SV2C: variants seen among roughly 807,000 people sequenced by gnomAD.
SV2C encodes synaptic vesicle glycoprotein 2C.
SV2C carries 49 observed loss-of-function variants against 79.7 expected under a neutral mutation model. That is an observed-to-expected ratio of 0.61 (90% confidence interval 0.49 to 0.78). The LOEUF (loss-of-function observed/expected upper bound fraction) is 0.78, where lower values mean the gene tolerates loss of function less well. SV2C is among the 30% of genes least tolerant of loss of function. SV2C has a pLI of 0.00. For synonymous variants in SV2C, 334 were observed against 333.2 expected (o/e 1.00, Z -0.03); for missense variants, 833 against 912.9 (o/e 0.91, Z 1.13).
At chr5:76,100,262 C>T (rs1434867814) in intron 1 of SV2C, among the ~76,000 whole-genome samples, 2 of 152,166 alleles carry the variant, frequency 1.3e-5, no homozygotes, top group African/African-American at 2.4e-5. Context: ...TGCAACTTCA[C>T]AGTATGTAAG....
chr5:76,308,122 T>G (rs889128043), intron 12 of SV2C, among the ~76,000 whole-genome samples: 4 of 152,206 alleles, frequency 2.6e-5, no homozygotes, highest in African/African-American at 9.6e-5. Context: ...CATATTATGT[T>G]ATGAGAATTT....
chr5:76,150,630 T>C (rs1749575655), intron 2 of SV2C, among the ~76,000 whole-genome samples: 3 of 87,706 alleles, frequency 3.4e-5, no homozygotes, highest in South Asian at 8.1e-4. Flanking sequence ...CAAATTCTTT[T>C]TTTTTTTTTT....
intron 12 of SV2C, among the ~76,000 whole-genome samples, chr5:76,312,279 G>T (rs906829609): frequency 2.6e-5 from 4 of 151,608 alleles, no homozygotes; most frequent in African/African-American, 9.7e-5. Flanking sequence ...GGGGGACAGG[G>T]TCTCACTCTG....
chr5:76,114,415 T>C (rs1295945183), intron 1 of SV2C, among the ~76,000 whole-genome samples: 1 of 152,200 alleles, frequency 6.6e-6, no homozygotes, highest in African/African-American at 2.4e-5. Context: ...ACAACATTTC[T>C]AGCCAGTAAA....
chr5:75,968,752 C>G, the SV2C span, among the ~76,000 whole-genome samples: 2 of 152,198 alleles, frequency 1.3e-5, no homozygotes, highest in Non-Finnish European at 2.9e-5. Context: ...AAACACTCTG[C>G]AGGATATTAT....
chr5:75,891,779 T>G, the SV2C span, among the ~76,000 whole-genome samples: 1 of 152,146 alleles, frequency 6.6e-6, no homozygotes, highest in African/African-American at 2.4e-5. Context: ...GGGAAAGGAA[T>G]GTGCCACTGA....
At chr5:75,984,567 A>ATCTATCTATCTATC in the SV2C span, among the ~76,000 whole-genome samples, 85 of 102,920 alleles carry the variant, frequency 8.3e-4, no homozygotes, top group Middle Eastern at 5.5e-3. Context: ...CTATCTATCT[A>ATCTATCTATCTATC]TATCTATCTA....
At chr5:76,139,118 C>CAA (rs35031412) in intron 2 of SV2C, among the ~76,000 whole-genome samples, 107 of 131,754 alleles carry the variant, frequency 8.1e-4, no homozygotes, top group African/African-American at 2.9e-3. Context: ...GACTCCATCT[C>CAA]AAAAAAAAAA....
chr5:76,121,100 G>A (rs1378982174), intron 1 of SV2C, among the ~76,000 whole-genome samples: 1 of 150,714 alleles, frequency 6.6e-6, no homozygotes, highest in Admixed American at 6.6e-5. Flanking sequence ...GTTTTGATTT[G>A]CATTTCTCTG....
intron 4 of SV2C, among the ~76,000 whole-genome samples, chr5:76,277,536 G>A (rs1747058723): frequency 6.6e-6 from 1 of 152,206 alleles, no homozygotes; most frequent in Non-Finnish European, 1.5e-5. Context: ...CATTTTGAGA[G>A]GCCGAGGCAG....
At chr5:76,009,693 G>T in the SV2C span, among the ~76,000 whole-genome samples, 1 of 152,116 alleles carries the variant, frequency 6.6e-6, no homozygotes, top group African/African-American at 2.4e-5. Context: ...CTTATAAGTG[G>T]GAACTAAACA....
chr5:76,023,617 A>T, the SV2C span, among the ~76,000 whole-genome samples: 1 of 148,568 alleles, frequency 6.7e-6, no homozygotes, highest in African/African-American at 2.4e-5. Flanking sequence ...ATACTTTCAT[A>T]CTTTTCCTCC....
chr5:76,078,764 G>C, upstream of SV2C: 1 of 580,628 alleles, frequency 1.7e-6, no homozygotes, highest in Non-Finnish European at 3.4e-6. Context: ...TCCAGGAGCA[G>C]GGGATGGCAG....
intron 2 of SV2C, among the ~76,000 whole-genome samples, chr5:76,191,238 C>A (rs1360419698): frequency 2.0e-5 from 3 of 152,112 alleles, no homozygotes; most frequent in Non-Finnish European, 4.4e-5. Flanking sequence ...GGGAAATCTA[C>A]CCCCATGGTC....
the SV2C span, among the ~76,000 whole-genome samples, chr5:75,993,752 T>C: frequency 6.6e-6 from 1 of 151,994 alleles, no homozygotes; most frequent in Non-Finnish European, 1.5e-5. Context: ...TTGCCTTGCA[T>C]TAGTTGTGGT....
intron 2 of SV2C, among the ~76,000 whole-genome samples, chr5:76,156,482 A>C (rs1742732449): frequency 6.6e-6 from 1 of 152,166 alleles, no homozygotes; most frequent in South Asian, 2.1e-4. Flanking sequence ...CCAACAGAAA[A>C]ACTATGAGAT....
chr5:76,135,734 A>T lies in SV2C; in HGVS notation c.580+3404A>T, dbSNP rs199671286. On this transcript the variant is annotated intron_variant, in intron 2 of 12. Transcript: ENST00000502798. ...GTCACAAGGCAGGCTTTTCCAGGAC[A>T]TCAGGCATTCTCCCTTCCCATTTGC... 1.3e-4 allele frequency among the ~76,000 whole-genome samples: 20 copies of T among 152,320 alleles called. No individual in the cohort carries two copies. In the East Asian group the frequency reaches 3.3e-3, roughly 25 times the overall value.
the SV2C span, among the ~76,000 whole-genome samples, chr5:76,005,586 T>C: frequency 2.6e-5 from 4 of 152,174 alleles, no homozygotes; most frequent in African/African-American, 7.2e-5. Flanking sequence ...AAATGACTGG[T>C]TCAGGAATGG....
chr5:76,167,092 C>T (rs577631954), intron 2 of SV2C, among the ~76,000 whole-genome samples: 88 of 152,282 alleles, frequency 5.8e-4, no homozygotes, highest in Non-Finnish European at 1.0e-3. Context: ...GAGCTCAAGA[C>T]GTTTTCATAT....
Sources: gnomAD v4.1 joint callset for allele counts (sites outside exome capture counted in the v4.1 genomes callset) on GRCh38, gnomAD v4.1.1 for gene constraint, MANE v1.5 for transcripts, NCBI Gene and HGNC (gene_info 2026-07-23, HGNC 2026-07-21) for gene names.